Variants in ATG2B observed in about 807,000 individuals in gnomAD.
The protein encoded by ATG2B is autophagy related 2B, also known as autophagy-related protein 2 homolog B.
In ATG2B, 121 loss-of-function variants were observed where a neutral mutation model predicts 241.3. That is an observed-to-expected ratio of 0.50 (90% CI 0.43 to 0.58). ATG2B has a LOEUF of 0.58. Ranked by LOEUF, ATG2B falls within the 20% of genes least tolerant of loss-of-function variation. ATG2B has a pLI of 0.00. For missense variants in ATG2B, 2,306 were observed against 2,491.6 expected (o/e 0.93, Z 1.59); for synonymous variants, 858 against 876.6 (o/e 0.98, Z 0.37).
chr14:96,304,440 G>T (rs1595299596), intron 32 of ATG2B, 55 bp downstream of exon 32: 2 of 1,358,172 alleles, frequency 1.5e-6, no homozygotes, highest in Non-Finnish European at 2.1e-6. Flanking sequence ...GATAACAAAA[G>T]AACCCCCCGC....
intron 18 of ATG2B, among the ~76,000 whole-genome samples, chr14:96,320,525 A>T (rs895421666): frequency 7.9e-5 from 12 of 151,944 alleles, no homozygotes; most frequent in African/African-American, 1.5e-4. Context: ...ATGCAGGATT[A>T]AAAAAAAGGA....
chr14:96,333,591 T>C, intron 8 of ATG2B, 97 bp downstream of exon 8: 8 of 1,139,574 alleles, frequency 7.0e-6, no homozygotes, highest in Non-Finnish European at 9.9e-6. Context: ...TTTTGTTCTT[T>C]CATTCCTAAA....
At chr14:96,312,419 C>T (rs1180303418) in intron 25 of ATG2B, among the ~76,000 whole-genome samples, 1 of 151,984 alleles carries the variant, frequency 6.6e-6, no homozygotes, top group African/African-American at 2.4e-5. Flanking sequence ...AAAGAGATGC[C>T]CAAATTCACA....
At chr14:96,341,755 G>A in intron 5 of ATG2B, 54 bp from the exon 6 acceptor site, 1 of 1,256,556 alleles carries the variant, frequency 8.0e-7, no homozygotes, top group Non-Finnish European at 1.1e-6. Flanking sequence ...TAAATAAAAT[G>A]AAATGTAAAA....
At chr14:96,297,128 A>T (rs1440975401) in intron 34 of ATG2B, among the ~76,000 whole-genome samples, 1 of 152,062 alleles carries the variant, frequency 6.6e-6, no homozygotes, top group African/African-American at 2.4e-5. Context: ...ATACACATTT[A>T]ATATATATAA....
intron 14 of ATG2B, among the ~76,000 whole-genome samples, chr14:96,327,377 G>A (rs922751833): frequency 2.6e-5 from 4 of 151,848 alleles, no homozygotes; most frequent in African/African-American, 9.7e-5. Context: ...TCTGATCCTG[G>A]TCCTCTGGCC....
chr14:96,316,271 T>C lies in ATG2B; in HGVS notation c.3361+262A>G, dbSNP rs8017645. ...AAAATTGACTATGGTGACGGTTGCATAACTCTTGTGAAATACTAAAAACCA... is the reference window on the plus strand; with the variant it reads ...AAAATTGACTATGGTGACGGTTGCACAACTCTTGTGAAATACTAAAAACCA... On this transcript the variant is annotated intron_variant, in intron 21 of 41. Transcript: ENST00000359933. Among the ~76,000 whole-genome samples the C allele has an allele frequency of 0.26, 39,250 of 152,072 alleles. 5,321 individuals carry two copies. The highest frequency in any genetic ancestry group is 0.28 in the Non-Finnish European group (19,175 of 67,946).
chr14:96,293,703 T>C (rs1886551094), intron 36 of ATG2B, among the ~76,000 whole-genome samples: 1 of 152,214 alleles, frequency 6.6e-6, no homozygotes, highest in Non-Finnish European at 1.5e-5. Context: ...TGGCACTGAT[T>C]AGGAGCCTTT....
Position 96,363,026 on chromosome 14 carries a change from C to T in ATG2B, c.-50G>A, listed in dbSNP as rs1470407733. Reference sequence around the variant, plus strand: ...CTGCGGCTGCGGGTTGCGACGGCTCCGGCCTCGGGGTAGCGACTCCGGCTC... The same window carrying T: ...CTGCGGCTGCGGGTTGCGACGGCTCTGGCCTCGGGGTAGCGACTCCGGCTC... On this transcript the variant is annotated 5_prime_UTR_variant, in exon 1 of 42. Transcript: ENST00000359933. The T allele has an allele frequency of 6.2e-7, 1 of 1,606,642 alleles. No individual in the cohort carries two copies. Among genetic ancestry groups the T allele is most frequent in the Non-Finnish European group, 8.5e-7 (1 of 1,176,700 alleles).
intron 28 of ATG2B, 150 bp from the exon 29 acceptor site, chr14:96,309,744 T>G (rs574434217): frequency 9.4e-6 from 7 of 740,898 alleles, no homozygotes; most frequent in Non-Finnish European, 1.4e-5. Context: ...AGCTGTTATA[T>G]TTCAAGTTTT....
chr14:96,293,245 C>T (rs1886536648), intron 36 of ATG2B: 1 of 152,206 alleles, frequency 6.6e-6, no homozygotes, highest in African/African-American at 2.4e-5. Context: ...TATATTTACA[C>T]CAATCACTAC....
At position 96,290,547 on chromosome 14, in the gene ATG2B, G is replaced by GTA; in HGVS notation, c.5743_5744dup (p.Arg1916ThrfsTer27). On this transcript the variant is annotated frameshift_variant, in exon 40 of 42. Transcript: ENST00000359933. LOFTEE classifies it high-confidence loss of function. The surrounding 1 kb of genome is among the most constrained non-coding windows in gnomAD (Gnocchi z 4.4). Reference sequence around the variant, plus strand: ...CTCTGACAATGCGGCCATCCTTCCGGTACTGCTCTATTGGGAGCCAGACCA... The same window carrying GTA: ...CTCTGACAATGCGGCCATCCTTCCGGTATACTGCTCTATTGGGAGCCAGACCA... 7 of 1,614,154 alleles carry GTA rather than the reference G, an allele frequency of 4.3e-6. No homozygotes were observed. Among genetic ancestry groups the GTA allele is most frequent in the Non-Finnish European group, 5.9e-6 (7 of 1,180,032 alleles).
chr14:96,324,057 T>C, intron 15 of ATG2B, 59 bp from the exon 16 acceptor site: 1 of 1,142,524 alleles, frequency 8.8e-7, no homozygotes, highest in Non-Finnish European at 1.3e-6. Context: ...AAAGAAGAGA[T>C]GGAGGAGCAA....
At chr14:96,328,956 C>T (rs574001463) in intron 12 of ATG2B, among the ~76,000 whole-genome samples, 190 bp from the exon 13 acceptor site, 4 of 152,072 alleles carry the variant, frequency 2.6e-5, no homozygotes, top group East Asian at 3.9e-4. Context: ...AAAATGTAGG[C>T]GAGGATTCAA....
rs199974674 is a variant in ATG2B, at chr14:96,357,110, CA to C, written c.162+5704del. Among the ~76,000 whole-genome samples, 673 of 152,240 alleles carry C rather than the reference CA, an allele frequency of 4.4e-3. 25 individuals carry two copies. In the South Asian group the frequency reaches 0.067, roughly 15 times the overall value. On this transcript the variant is annotated intron_variant, in intron 1 of 41. Coordinates refer to ENST00000359933, the MANE Select transcript of ATG2B (RefSeq NM_018036.7). ...CTCCTCTGAAACTGCTTGTAACCAC[CA>C]TTAAAATGACAAATGCAATAAACAA...
intron 32 of ATG2B, 46 bp downstream of exon 32, chr14:96,304,449 G>T (rs778381896): frequency 6.9e-7 from 1 of 1,439,756 alleles, no homozygotes; most frequent in Non-Finnish European, 9.8e-7. Flanking sequence ...AGAACCCCCC[G>T]CCAATATCCT....
chr14:96,347,456 C>T (rs1470077425), intron 1 of ATG2B, 115 bp from the exon 2 acceptor site: 4 of 699,550 alleles, frequency 5.7e-6, no homozygotes, highest in Non-Finnish European at 8.7e-6. Context: ...ATAAAGAAAG[C>T]AGAGACTTCC....
chr14:96,319,811 G>A (rs754933006), intron 18 of ATG2B, among the ~76,000 whole-genome samples: 3 of 152,088 alleles, frequency 2.0e-5, no homozygotes, highest in Non-Finnish European at 2.9e-5. Flanking sequence ...GGAGTTCTTC[G>A]TACTGTAAAG....
chr14:96,332,241 C>T lies in ATG2B; in HGVS notation c.1468+64G>A, dbSNP rs1887755732. 2.4e-6 allele frequency: 3 copies of T among 1,263,442 alleles called. No individual in the cohort carries two copies. The Admixed American group carries it at 5.6e-5, about 24-fold the overall frequency. 78.3% of individuals were successfully genotyped at this position (1,263,442 alleles called of 1,614,324 possible). Reference sequence around the variant, plus strand: ...AAAAAAAAAAAAAGAAAGAAAAGCACCAGTAGAATGGCATTTTAAAAATTC... The same window carrying T: ...AAAAAAAAAAAAAGAAAGAAAAGCATCAGTAGAATGGCATTTTAAAAATTC... On this transcript the variant is annotated intron_variant, in intron 10 of 41. Transcript: ENST00000359933.
Sources: gnomAD v4.1 joint callset for allele counts (sites outside exome capture counted in the v4.1 genomes callset) on GRCh38, gnomAD v4.1.1 for gene constraint, Gnocchi (gnomAD v3.1) non-coding constraint, MANE v1.5 for transcripts, NCBI Gene and HGNC (gene_info 2026-07-23, HGNC 2026-07-21) for gene names.